Variants in TUBGCP6 observed in about 807,000 individuals in gnomAD.
TUBGCP6 encodes the protein gamma-tubulin complex component 6.
TUBGCP6 carries 161 observed loss-of-function variants against 175.8 expected under a neutral mutation model. That is an observed-to-expected ratio of 0.92 (90% CI 0.81 to 1.04). TUBGCP6 has a LOEUF of 1.04. TUBGCP6 is among the 50% of genes least tolerant of loss of function. TUBGCP6 has a pLI of 0.00. For missense variants in TUBGCP6, 2,572 were observed against 2,433.0 expected (o/e 1.06, Z -1.20); for synonymous variants, 1,173 against 1,030.5 (o/e 1.14, Z -2.65).
Position 50,217,806 on chromosome 22 carries a change from C to G in TUBGCP6, c.5390G>C (p.Arg1797Pro), listed in dbSNP as rs779389082. Residue 1797 changes from arginine (R) to proline (P), a missense_variant, in exon 25 of 25, where the codon CGC becomes CCC. Physicochemically the swap from Arg to Pro is moderately radical, Grantham distance 103. Transcript: ENST00000248846. ...LFKVVTKLVNRGYQPHLEDFL... is the reference protein window; with the variant it reads ...LFKVVTKLVNPGYQPHLEDFL... The stretch of plus-strand genomic sequence containing the variant: ...GTCCTCCAGGTGGGGCTGGTAGCCG[C>G]GGTTCACCAGCTTGGTCACCACTGG... 6 of 1,613,940 alleles carry G rather than the reference C, an allele frequency of 3.7e-6. No individual in the cohort carries two copies. Among genetic ancestry groups the G allele is most frequent in the Non-Finnish European group, 5.1e-6 (6 of 1,180,014 alleles).
intron 2 of TUBGCP6, 26 bp from the exon 3 acceptor site, chr22:50,233,552 A>G (rs752201778): frequency 1.6e-5 from 25 of 1,576,930 alleles, no homozygotes; most frequent in Non-Finnish European, 1.8e-5. Flanking sequence ...AAGAGAGGCC[A>G]TGAGCAGACG....
rs1451891030 is a variant in TUBGCP6 at position 50,220,986 on chromosome 22, C to T, written c.3373G>A (p.Ala1125Thr). 6.2e-7 allele frequency: 1 copy of T among 1,609,176 alleles called. No individual in the cohort carries two copies. The highest frequency in any genetic ancestry group is 1.3e-5 in the African/African-American group (1 of 74,502). Reference protein sequence around the residue: ...IRVGENVSDVAPTRPRWNTHG... With the variant: ...IRVGENVSDVTPTRPRWNTHG... ...GTATTCCACCGTGGCCTGGTGGGAGCCACATCTGACACATTCTCCCCGACC... is the reference window on the plus strand; with the variant it reads ...GTATTCCACCGTGGCCTGGTGGGAGTCACATCTGACACATTCTCCCCGACC... Residue 1125 changes from alanine to threonine, a missense_variant, in exon 16 of 25, where the codon GCT becomes ACT. Physicochemically the swap from Ala to Thr is moderately conservative, Grantham distance 58 (BLOSUM62 0). Coordinates refer to ENST00000248846, the MANE Select transcript of TUBGCP6 (RefSeq NM_020461.4).
chr22:50,228,770 C>T (rs979654426), intron 4 of TUBGCP6, among the ~76,000 whole-genome samples: 3 of 152,118 alleles, frequency 2.0e-5, no homozygotes, highest in Admixed American at 2.0e-4. Flanking sequence ...CACCACATCA[C>T]CCCACCCGAC....
chr22:50,242,738 G>C (rs1030057359), intron 1 of TUBGCP6, among the ~76,000 whole-genome samples: 1 of 152,202 alleles, frequency 6.6e-6, no homozygotes, highest in Non-Finnish European at 1.5e-5. Context: ...GAACACTTTT[G>C]CCACACGTGG....
chr22:50,222,099 T>G lies in TUBGCP6; in HGVS notation c.2413A>C (p.Met805Leu), dbSNP rs2064535786. Reference protein sequence around the residue: ...LLEDEKHIQEMLKAVSEAHQP... With the variant: ...LLEDEKHIQELLKAVSEAHQP... Reference sequence around the variant, plus strand: ...TGAGCCTCAGACACTGCTTTCAGCATCTCCTGAAATTCAAGCCAGAGGGGT... The same window carrying G: ...TGAGCCTCAGACACTGCTTTCAGCAGCTCCTGAAATTCAAGCCAGAGGGGT... Residue 805 changes from methionine (M) to leucine (L), a missense_variant, in exon 15 of 25, where the codon ATG (methionine) becomes CTG (leucine). Transcript: ENST00000248846. 1 of 1,613,382 alleles carries G rather than the reference T, an allele frequency of 6.2e-7. No individual in the cohort carries two copies. Among genetic ancestry groups the G allele is most frequent in the East Asian group, 2.2e-5 (1 of 44,868 alleles).
intron 20 of TUBGCP6, 78 bp downstream of exon 20, chr22:50,218,990 G>A (rs150285388): frequency 1.5e-3 from 2,401 of 1,594,552 alleles, no homozygotes; most frequent in Middle Eastern, 2.5e-3. Context: ...GCAGCAGGGG[G>A]CTGTGGGCGT....
chr22:50,238,046 T>A (rs532253598), intron 2 of TUBGCP6, among the ~76,000 whole-genome samples: 3 of 151,820 alleles, frequency 2.0e-5, no homozygotes, highest in Admixed American at 2.0e-4. Flanking sequence ...GGCAGGAGAA[T>A]CGCTTGAACC....
chr22:50,218,657 C>A (rs1234915629), intron 21 of TUBGCP6, 37 bp from the exon 22 acceptor site: 2 of 1,613,442 alleles, frequency 1.2e-6, no homozygotes, highest in Non-Finnish European at 1.7e-6. Context: ...ATCCCACAGG[C>A]AGGCAGGCCC....
At chr22:50,229,651 C>T (rs1186325026) in intron 3 of TUBGCP6, 74 bp from the exon 4 acceptor site, 1 of 1,468,926 alleles carries the variant, frequency 6.8e-7, no homozygotes. Flanking sequence ...TCTCCCTCCA[C>T]CCTTGCACCC....
chr22:50,227,779 C>A, intron 5 of TUBGCP6, 128 bp downstream of exon 5: 2 of 1,346,942 alleles, frequency 1.5e-6, no homozygotes, highest in South Asian at 2.9e-5. Context: ...CAAGGGCCAT[C>A]CGGTCGCCTG....
chr22:50,222,848 A>G, intron 13 of TUBGCP6: 3 of 479,630 alleles, frequency 6.3e-6, no homozygotes, highest in Non-Finnish European at 1.1e-5. Flanking sequence ...CTGCTGGACA[A>G]ATACCAGAAT....
In TUBGCP6 at chr22:50,241,983, C is replaced by CAAAAAAAAAAA. The variant is rs55647714; in HGVS notation, c.742-1627_742-1617dup. On this transcript the variant is annotated intron_variant, in intron 1 of 24. Coordinates refer to ENST00000248846, the MANE Select transcript of TUBGCP6 (RefSeq NM_020461.4). The stretch of plus-strand genomic sequence containing the variant: ...CTGGTCCCTACACAAGACTCCATCT[C>CAAAAAAAAAAA]AAAAAAAAAAAAAAAAAAAAAAAAA... Among the ~76,000 whole-genome samples, 9 of 92,786 alleles carry CAAAAAAAAAAA rather than the reference C, an allele frequency of 9.7e-5. 1 individual carries two copies. The highest frequency in any genetic ancestry group is 2.5e-4 in the Admixed American group (2 of 8,138). The allele number at this position is 92,786 out of a possible 152,430, so 60.9% of individuals were successfully genotyped here.
At position 50,218,063 on chromosome 22, in the gene TUBGCP6, G is replaced by A. The variant is rs372813704; in HGVS notation, c.5223C>T (p.Phe1741=). Reference sequence around the variant, plus strand: ...GGCTGCGGAACTTGAGCACGAGGCTGAAGATGCTGTGGATGACGTTCATGA... The same window carrying A: ...GGCTGCGGAACTTGAGCACGAGGCTAAAGATGCTGTGGATGACGTTCATGA... ...APVMNVIHSI[F]SLVLKFRSQL... is the part of the protein sequence containing the mutation. The change falls in exon 24 of 25, where the codon TTC becomes TTT. Residue 1741 remains phenylalanine (F), a synonymous_variant. Transcript: ENST00000248846. The A allele has an allele frequency of 1.2e-6, 2 of 1,613,486 alleles. No homozygotes were observed. The highest frequency in any genetic ancestry group is 1.1e-5 in the South Asian group (1 of 91,084).
At position 50,225,880 on chromosome 22, in the gene TUBGCP6, ACTC is replaced by A; in HGVS notation, c.1894_1896del (p.Glu632del). ...GCACAGTCCTTCTCAATCTCCTTCAACTCCTCAAGGGAGAAAATCACCGAGATC... is the reference window on the plus strand; with the variant it reads ...GCACAGTCCTTCTCAATCTCCTTCAACTCAAGGGAGAAAATCACCGAGATC... On this transcript the variant is annotated inframe_deletion, in exon 10 of 25. Transcript: ENST00000248846. The A allele has an allele frequency of 1.2e-6, 2 of 1,611,438 alleles. No individual in the cohort carries two copies. Among genetic ancestry groups the A allele is most frequent in the Non-Finnish European group, 1.7e-6 (2 of 1,179,156 alleles).
At chr22:50,236,754 G>A (rs1299723170) in intron 2 of TUBGCP6, among the ~76,000 whole-genome samples, 2 of 152,300 alleles carry the variant, frequency 1.3e-5, no homozygotes, top group East Asian at 1.9e-4. Flanking sequence ...AGGATGAGAT[G>A]AGCATGAGAA....
chr22:50,230,294 AC>A (rs2064671184), intron 3 of TUBGCP6, among the ~76,000 whole-genome samples: 1 of 150,870 alleles, frequency 6.6e-6, no homozygotes. Flanking sequence ...ACATAGCAAG[AC>A]CCCCATCTCT....
chr22:50,224,150 C>G lies in TUBGCP6; in HGVS notation c.2261G>C (p.Arg754Thr), dbSNP rs1367976896. 1.2e-6 allele frequency: 2 copies of G among 1,613,528 alleles called. No homozygotes were observed. Among genetic ancestry groups the G allele is most frequent in the Non-Finnish European group, 1.7e-6 (2 of 1,179,986 alleles). Residue 754 changes from arginine to threonine, a missense_variant, in exon 13 of 25, where the codon AGG (arginine) becomes ACG (threonine). Arg to Thr is a moderately conservative substitution (Grantham distance 71, BLOSUM62 -1). Transcript: ENST00000248846. ...GCCCGGGCTGCCCTACCTCGCCTTCCTCTCCAGCTCCTCCTCCAGGGACTT... is the reference window on the plus strand; with the variant it reads ...GCCCGGGCTGCCCTACCTCGCCTTCGTCTCCAGCTCCTCCTCCAGGGACTT... ...RLKSLEEELE[R>T]KARQALVDHY...
At chr22:50,239,964 G>A (rs1274048847) in intron 2 of TUBGCP6, among the ~76,000 whole-genome samples, 2 of 152,094 alleles carry the variant, frequency 1.3e-5, no homozygotes, top group African/African-American at 2.4e-5. Context: ...AGTTCTGCCC[G>A]ACAGGTGTGA....
chr22:50,219,491 G>A (rs1178730520), intron 18 of TUBGCP6, 35 bp from the exon 19 acceptor site: 20 of 1,594,732 alleles, frequency 1.3e-5, no homozygotes, highest in Admixed American at 1.7e-5. Context: ...GCTGGGAACC[G>A]GCCAGCCCAG....
Sources: allele counts gnomAD v4.1 joint callset (sites outside exome capture counted in the v4.1 genomes callset), GRCh38; gene constraint gnomAD v4.1.1; transcripts MANE v1.5; gene names NCBI Gene and HGNC (gene_info 2026-07-23, HGNC 2026-07-21).